CDC34: variants seen among roughly 807,000 people sequenced by gnomAD.
The protein encoded by CDC34 is ubiquitin-conjugating enzyme E2 R1.
Under a neutral mutation model 26.8 loss-of-function variants are expected in CDC34, and 18 were observed. The observed-to-expected ratio is 0.67, with a 90% CI of 0.47 to 1.00. The LOEUF (loss-of-function observed/expected upper bound fraction) is 1.00, where lower values mean the gene tolerates loss of function less well. CDC34 is among the 50% of genes least tolerant of loss of function. CDC34 has a pLI of 0.00. For synonymous variants in CDC34, 178 were observed against 147.5 expected (o/e 1.21, Z -1.50); for missense variants, 280 against 334.5 (o/e 0.84, Z 1.27).
intron 2 of CDC34, 74 bp downstream of exon 2, chr19:535,997 C>T (rs1044109416): frequency 7.2e-7 from 1 of 1,390,182 alleles, no homozygotes; most frequent in Non-Finnish European, 1.0e-6. Flanking sequence ...ACGTCCTCAT[C>T]CTTCCGGGAC....
At chr19:540,861 G>A (rs151212892) in intron 4 of CDC34, among the ~76,000 whole-genome samples, 220 of 151,570 alleles carry the variant, frequency 1.5e-3, no homozygotes, top group Non-Finnish European at 2.8e-3. Context: ...TCCTGCTGAG[G>A]CCACGGAGAG....
chr19:538,291 C>T (rs1020633344), intron 4 of CDC34, among the ~76,000 whole-genome samples: 2 of 152,214 alleles, frequency 1.3e-5, no homozygotes, highest in Non-Finnish European at 2.9e-5. Context: ...AGTCGCCTAC[C>T]GGCGCCTTCT....
Position 541,839 on chromosome 19 carries a change from G to C in CDC34, c.*287G>C, listed in dbSNP as rs1397627241. On this transcript the variant is annotated 3_prime_UTR_variant, in exon 5 of 5. Transcript: ENST00000215574. ...GGGAGCTGAGCCCGACTTCTACCGGGGTCCCCCAGCTTCCGGACTGGCCGC... is the reference window on the plus strand; with the variant it reads ...GGGAGCTGAGCCCGACTTCTACCGGCGTCCCCCAGCTTCCGGACTGGCCGC... The C allele has an allele frequency of 7.5e-5, 19 of 254,222 alleles. No individual in the cohort carries two copies. The highest frequency in any genetic ancestry group is 2.1e-4 in the Admixed American group (4 of 19,050). The allele number at this position is 254,222 out of a possible 1,614,324, so 15.7% of individuals were successfully genotyped here. A position where few individuals can be genotyped will look rare whatever the true frequency, so the allele number is the denominator to read the frequency against.
intron 4 of CDC34, among the ~76,000 whole-genome samples, chr19:540,872 G>T (rs1352843309): frequency 6.6e-6 from 1 of 152,036 alleles, no homozygotes; most frequent in Non-Finnish European, 1.5e-5. Flanking sequence ...CCACGGAGAG[G>T]CTCAGGCCGT....
chr19:538,396 C>T (rs1979859475), intron 4 of CDC34, among the ~76,000 whole-genome samples: 1 of 152,254 alleles, frequency 6.6e-6, no homozygotes, highest in Non-Finnish European at 1.5e-5. Context: ...CTGAGCCCCA[C>T]AGCCCCTTCT....
intron 1 of CDC34, among the ~76,000 whole-genome samples, chr19:534,090 G>A (rs189762426): frequency 2.0e-5 from 3 of 152,316 alleles, no homozygotes; most frequent in African/African-American, 7.2e-5. Context: ...CAAAATAAGA[G>A]GCTCATTGGG....
chr19:536,741 C>CCAGGCAGGACG, intron 3 of CDC34: 1 of 557,886 alleles, frequency 1.8e-6, no homozygotes, highest in Non-Finnish European at 3.2e-6. Flanking sequence ...GGAGTGTAGT[C>CCAGGCAGGACG]TAGGCAGGAC....
At position 531,962 on chromosome 19, in the gene CDC34, A is replaced by G; in HGVS notation, c.31A>G (p.Lys11Glu). ...TCGGCCGCTAGTGCCCAGCTCGCAGAAGGCGCTGCTGCTGGAGCTCAAGGG... is the reference window on the plus strand; with the variant it reads ...TCGGCCGCTAGTGCCCAGCTCGCAGGAGGCGCTGCTGCTGGAGCTCAAGGG... MARPLVPSSQKALLLELKGLQ... is the reference protein window; with the variant it reads MARPLVPSSQEALLLELKGLQ... The change falls in exon 1 of 5, where the codon AAG becomes GAG. Residue 11 changes from lysine (K) to glutamate (E), a missense_variant. Lys to Glu is a moderately conservative substitution (Grantham distance 56). Coordinates refer to ENST00000215574, the MANE Select transcript of CDC34 (RefSeq NM_004359.2). 1 of 1,473,328 alleles carries G rather than the reference A, an allele frequency of 6.8e-7. No homozygotes were observed. The highest frequency in any genetic ancestry group is 9.0e-7 in the Non-Finnish European group (1 of 1,116,856). The allele number at this position is 1,473,328 out of a possible 1,614,324, so 91.3% of individuals were successfully genotyped here. A position where few individuals can be genotyped will look rare whatever the true frequency, so the allele number is the denominator to read the frequency against.
chr19:536,094 G>T (rs1373266845), intron 2 of CDC34, 149 bp from the exon 3 acceptor site: 42 of 781,208 alleles, frequency 5.4e-5, no homozygotes, highest in Non-Finnish European at 5.8e-5. Context: ...GACCCGAGGC[G>T]CTGGGAGCCT....
chr19:539,833 G>A (rs1007195092), intron 4 of CDC34, among the ~76,000 whole-genome samples: 39 of 152,326 alleles, frequency 2.6e-4, no homozygotes, highest in East Asian at 2.5e-3. Flanking sequence ...TCCTGGAGGT[G>A]GAGCCGGGGG....
At chr19:532,269 C>T (rs1979525105) in intron 1 of CDC34, among the ~76,000 whole-genome samples, 161 bp downstream of exon 1, 1 of 152,206 alleles carries the variant, frequency 6.6e-6, no homozygotes, top group Non-Finnish European at 1.5e-5. Flanking sequence ...CCCCACCCAG[C>T]TCTGCCCGGC....
At chr19:534,395 G>A (rs16990537) in intron 1 of CDC34, among the ~76,000 whole-genome samples, 33 of 143,244 alleles carry the variant, frequency 2.3e-4, no homozygotes, top group Middle Eastern at 4.0e-3. Flanking sequence ...GAGGGGCCTC[G>A]CCCACAATCC....
chr19:536,155 T>C, intron 2 of CDC34, 88 bp from the exon 3 acceptor site: 1 of 1,113,612 alleles, frequency 9.0e-7, no homozygotes. Context: ...CACGTCCTCG[T>C]CCTCCACGTC....
intron 1 of CDC34, among the ~76,000 whole-genome samples, chr19:534,482 TCACCCACGA>T (rs1979642685): frequency 2.2e-5 from 2 of 88,938 alleles, no homozygotes; most frequent in Non-Finnish European, 4.3e-5. Context: ...TGTCCAGACC[TCACCCACGA>T]TCCAAGACCC....
At position 532,496 on chromosome 19, in the gene CDC34, A is replaced by G. The variant is rs1361266740; in HGVS notation, c.177+388A>G. 4.6e-5 allele frequency among the ~76,000 whole-genome samples: 7 copies of G among 152,140 alleles called. No individual in the cohort carries two copies. In the South Asian group the frequency reaches 6.2e-4, roughly 14 times the overall value. Reference sequence around the variant, plus strand: ...GCCTCCCCCTCCGCCCCTGCGAGAAAGAGGGAGCGGAGCCCAGGCCGCGCC... The same window carrying G: ...GCCTCCCCCTCCGCCCCTGCGAGAAGGAGGGAGCGGAGCCCAGGCCGCGCC... On this transcript the variant is annotated intron_variant, in intron 1 of 4. Coordinates refer to ENST00000215574, the MANE Select transcript of CDC34 (RefSeq NM_004359.2).
At chr19:541,190 A>G (rs1387016538) in intron 4 of CDC34, 149 bp from the exon 5 acceptor site, 34 of 1,026,106 alleles carry the variant, frequency 3.3e-5, no homozygotes, top group Non-Finnish European at 4.5e-5. Context: ...GGAGTTCCTC[A>G]CGCACAGGGC....
intron 4 of CDC34, among the ~76,000 whole-genome samples, chr19:539,895 G>C (rs2145852366): frequency 6.6e-6 from 1 of 152,294 alleles, no homozygotes; most frequent in African/African-American, 2.4e-5. Flanking sequence ...ATAGGGCCGG[G>C]TGTACACGGT....
intron 1 of CDC34, among the ~76,000 whole-genome samples, chr19:534,952 C>G (rs1181869361): frequency 2.0e-5 from 3 of 152,244 alleles, no homozygotes; most frequent in African/African-American, 7.2e-5. Context: ...GGGGGTGCTG[C>G]TCTCGTGCCT....
intron 4 of CDC34, chr19:538,911 C>T (rs550579219): frequency 2.1e-4 from 205 of 985,210 alleles, no homozygotes; most frequent in Non-Finnish European, 2.2e-4. Context: ...GGCCCCGGTC[C>T]GGTCGTGTCA....
Sources: allele counts gnomAD v4.1 joint callset (sites outside exome capture counted in the v4.1 genomes callset), GRCh38; gene constraint gnomAD v4.1.1; transcripts MANE v1.5; gene names NCBI Gene and HGNC (gene_info 2026-07-23, HGNC 2026-07-21).